TOPORS: variants seen among roughly 807,000 people sequenced by gnomAD.
The protein encoded by TOPORS is E3 ubiquitin-protein ligase Topors.
In TOPORS, 25 loss-of-function variants were observed where a neutral mutation model predicts 81.4. That is an observed-to-expected ratio of 0.31 (90% confidence interval 0.22 to 0.43). TOPORS has a LOEUF of 0.43. Ranked by LOEUF, TOPORS falls within the 20% of genes least tolerant of loss-of-function variation. The pLI is 1.00. For missense variants in TOPORS, 1,101 were observed against 1,267.0 expected, an observed-to-expected ratio of 0.87 and a Z score of 1.99; for synonymous variants, 473 against 456.6, an observed-to-expected ratio of 1.04 and a Z score of -0.46.
Position 32,541,981 on chromosome 9 carries a change from TGATCGGCTGTCTGAA to T in TOPORS, c.2529_2543del (p.Phe843_Ser848delinsLeu). Reference sequence around the variant, plus strand: ...TTTTGTGTTTTGTCTCTCTGTCTGATGATCGGCTGTCTGAAAAGGTATCACTCTCATTTTTGTAGT... The same window carrying T: ...TTTTGTGTTTTGTCTCTCTGTCTGATAAGGTATCACTCTCATTTTTGTAGT... On this transcript the variant is annotated inframe_deletion, in exon 3 of 3. Transcript: ENST00000360538. 1 of 1,613,924 alleles carries T rather than the reference TGATCGGCTGTCTGAA, an allele frequency of 6.2e-7. No homozygotes were observed. Among genetic ancestry groups the T allele is most frequent in the South Asian group, 1.1e-5 (1 of 91,000 alleles).
At chr9:32,551,881 A>G in intron 1 of TOPORS, 1 of 397,816 alleles carries the variant, frequency 2.5e-6, no homozygotes, top group Non-Finnish European at 5.2e-6. Context: ...CTCGATTTAC[A>G]GGGGTTCCCA....
intron 2 of TOPORS, among the ~76,000 whole-genome samples, chr9:32,547,924 C>T (rs1419947826): frequency 5.3e-5 from 8 of 151,328 alleles, no homozygotes; most frequent in Non-Finnish European, 1.2e-4. Context: ...CTCCGCCTCC[C>T]GGGTTCACAC....
chr9:32,541,577 T>C lies in TOPORS; in HGVS notation c.2948A>G (p.Asp983Gly), dbSNP rs767470541. The change falls in exon 3 of 3, where the codon GAT becomes GGT. Residue 983 changes from aspartate (D) to glycine (G), a missense_variant. Transcript: ENST00000360538. ...TGAAGCTGCCAGAGGTGGAATATTA[T>C]CTACAGTTTTGTTGGCATTATTCAA... Reference protein sequence around the residue: ...NNLNNANKTVDNIPPLAASVE... With the variant: ...NNLNNANKTVGNIPPLAASVE... 6.2e-7 allele frequency: 1 copy of C among 1,614,216 alleles called. No individual in the cohort carries two copies. Among genetic ancestry groups the C allele is most frequent in the Non-Finnish European group, 8.5e-7 (1 of 1,180,032 alleles).
At chr9:32,549,460 A>C (rs1821190699) in intron 2 of TOPORS, among the ~76,000 whole-genome samples, 1 of 152,198 alleles carries the variant, frequency 6.6e-6, no homozygotes, top group African/African-American at 2.4e-5. Context: ...TGTAACCTGG[A>C]GGAAGTTTTT....
At chr9:32,544,548 C>T (rs1821117544) in intron 2 of TOPORS, among the ~76,000 whole-genome samples, 1 of 152,196 alleles carries the variant, frequency 6.6e-6, no homozygotes, top group African/African-American at 2.4e-5. Context: ...CCTGGTTCCA[C>T]ACTACCAGCG....
At position 32,541,519 on chromosome 9, in the gene TOPORS, G is replaced by A; in HGVS notation, c.3006C>T (p.Ser1002=). ...GGTTCTCCAAATCAGAAACAAAGGT[G>A]CTCTCTTCTCTTACATCGAGAGTTT... ...VEQTLDVREE[S]TFVSDLENQP... The change falls in exon 3 of 3, where the codon AGC becomes AGT. Residue 1002 remains serine, a synonymous_variant. Coordinates refer to ENST00000360538, the MANE Select transcript of TOPORS (RefSeq NM_005802.5). 1 of 1,614,190 alleles carries A rather than the reference G, an allele frequency of 6.2e-7. No homozygotes were observed. Among genetic ancestry groups the A allele is most frequent in the South Asian group, 1.1e-5 (1 of 91,088 alleles).
At chr9:32,546,805 C>T (rs962535985) in intron 2 of TOPORS, among the ~76,000 whole-genome samples, 1 of 152,130 alleles carries the variant, frequency 6.6e-6, no homozygotes, top group Non-Finnish European at 1.5e-5. Context: ...CTGGTAATGT[C>T]CTCCATAACA....
intron 2 of TOPORS, among the ~76,000 whole-genome samples, chr9:32,550,181 G>C (rs959171000): frequency 6.6e-6 from 1 of 152,122 alleles, no homozygotes; most frequent in African/African-American, 2.4e-5. Context: ...GCTCATCTCA[G>C]CACTGCCCCC....
chr9:32,541,693 CAAGG>C lies in TOPORS; in HGVS notation c.2828_2831del (p.Ser943TrpfsTer9). 6 of 1,614,104 alleles carry C rather than the reference CAAGG, an allele frequency of 3.7e-6. No homozygotes were observed. The highest frequency in any genetic ancestry group is 2.2e-5 in the East Asian group (1 of 44,872). ...CTACATCTTTAGTTTCAAATGGTTC[CAAGG>C]AAGGAGCCAAAAACTCATTTTGTAG... On this transcript the variant is annotated frameshift_variant, in exon 3 of 3. Coordinates refer to ENST00000360538, the MANE Select transcript of TOPORS (RefSeq NM_005802.5). LOFTEE classifies it high-confidence loss of function.
intron 2 of TOPORS, among the ~76,000 whole-genome samples, chr9:32,545,277 T>TC (rs1821126940): frequency 6.6e-6 from 1 of 152,114 alleles, no homozygotes; most frequent in Middle Eastern, 3.4e-3. Context: ...CCACAGAATA[T>TC]CTTGAAATCA....
chr9:32,541,808 A>C lies in TOPORS; in HGVS notation c.2717T>G (p.Val906Gly), dbSNP rs1429135969. The C allele has an allele frequency of 6.2e-7, 1 of 1,614,208 alleles. No homozygotes were observed. Among genetic ancestry groups the C allele is most frequent in the African/African-American group, 1.3e-5 (1 of 75,052 alleles). The change falls in exon 3 of 3, where the codon GTT (valine) becomes GGT (glycine). Residue 906 changes from valine (V) to glycine (G), a missense_variant. By Grantham distance (109) the Val-to-Gly change is moderately radical. This residue lies in a region of TOPORS where 605 missense variants were observed against 636.1 expected (regional missense o/e 0.95). Transcript: ENST00000360538. ...ACTGTCACTGTCAATGGTAATTACA[A>C]CTGGGGAACGTGAAGCATTATCTCC... is the stretch of plus-strand genomic sequence containing the variant. The part of the protein sequence containing the change: ...HHGDNASRSP[V>G]VITIDSDSDK...
intron 1 of TOPORS, 144 bp from the exon 2 acceptor site, chr9:32,551,112 G>T: frequency 3.8e-6 from 4 of 1,063,956 alleles, no homozygotes; most frequent in Non-Finnish European, 5.5e-6. Flanking sequence ...CGGGGGCGGG[G>T]CTCAGCGCAC....
chr9:32,547,142 G>GAGAC (rs1470344979), intron 2 of TOPORS, among the ~76,000 whole-genome samples: 1 of 152,206 alleles, frequency 6.6e-6, no homozygotes, highest in Non-Finnish European at 1.5e-5. Context: ...GCCAAGGCAG[G>GAGAC]AGACCCTTGA....
chr9:32,544,155 A>AGC lies in TOPORS; in HGVS notation c.369_370insGC (p.Cys124AlafsTer30). 1 of 1,614,090 alleles carries AGC rather than the reference A, an allele frequency of 6.2e-7. No individual in the cohort carries two copies. Among genetic ancestry groups the AGC allele is most frequent in the Non-Finnish European group, 8.5e-7 (1 of 1,180,034 alleles). On this transcript the variant is annotated frameshift_variant, in exon 3 of 3. Transcript: ENST00000360538. LOFTEE classifies it high-confidence loss of function. ...GACCACTCCTGTACACAGCGAAAAC[A>AGC]GAACTTATGTAAGCAGCGATCTAAG...
chr9:32,543,783 G>C lies in TOPORS; in HGVS notation c.742C>G (p.Arg248Gly). 1 of 1,611,256 alleles carries C rather than the reference G, an allele frequency of 6.2e-7. No homozygotes were observed. Among genetic ancestry groups the C allele is most frequent in the East Asian group, 2.2e-5 (1 of 44,838 alleles). Reference protein sequence around the residue: ...RPTTADERSLRKIQEQDIINF... With the variant: ...RPTTADERSLGKIQEQDIINF... ...ATAATATCTTGTTCTTGAATTTTCCGCAAAGATCTTTCATCTGCCGTAGTT... is the reference window on the plus strand; with the variant it reads ...ATAATATCTTGTTCTTGAATTTTCCCCAAAGATCTTTCATCTGCCGTAGTT... Residue 248 changes from arginine (R) to glycine (G), a missense_variant, in exon 3 of 3, where the codon CGG (arginine) becomes GGG (glycine). Physicochemically the swap from Arg to Gly is moderately radical, Grantham distance 125. Transcript: ENST00000360538. The surrounding 1 kb of genome is among the most constrained non-coding windows in gnomAD (Gnocchi z 5.6).
chr9:32,550,891 A>C lies in TOPORS; in HGVS notation c.81T>G (p.Gly27=), dbSNP rs1587627153. The C allele has an allele frequency of 1.2e-6, 2 of 1,612,904 alleles. No individual in the cohort carries two copies. Among genetic ancestry groups the C allele is most frequent in the Non-Finnish European group, 8.5e-7 (1 of 1,179,768 alleles). ...EAPPPAPASE[G]RRRSRRVRLR... ...GGCGTACCCGGCGACTTCTCCGCCT[A>C]CCCTCCGAAGCGGGAGCAGGCGGGG... Residue 27 remains glycine, a synonymous_variant, in exon 2 of 3, where the codon GGT becomes GGG. Transcript: ENST00000360538.
chr9:32,544,339 A>G lies in TOPORS; in HGVS notation c.199-13T>C. On this transcript the variant is annotated splice_polypyrimidine_tract_variant and intron_variant, in intron 2 of 2. Coordinates refer to ENST00000360538, the MANE Select transcript of TOPORS (RefSeq NM_005802.5). Reference sequence around the variant, plus strand: ...CTGATGCCATTATCTGTAAAAGGGAAAGAAATATATCAGTAACCTGATAAT... The same window carrying G: ...CTGATGCCATTATCTGTAAAAGGGAGAGAAATATATCAGTAACCTGATAAT... 1.3e-6 allele frequency: 2 copies of G among 1,599,030 alleles called. No homozygotes were observed. Among genetic ancestry groups the G allele is most frequent in the Non-Finnish European group, 8.5e-7 (1 of 1,179,388 alleles).
Position 32,552,568 on chromosome 9 carries a change from C to A in TOPORS, c.-132G>T. On this transcript the variant is annotated 5_prime_UTR_variant, in exon 1 of 3. It introduces an in-frame stop codon into an upstream open reading frame of the 5' UTR. Coordinates refer to ENST00000360538, the MANE Select transcript of TOPORS (RefSeq NM_005802.5). Reference sequence around the variant, plus strand: ...CTATTTCTTCAGCACCCAGAAACTCCAAAATCCATTCCTGAATTAAGCATT... The same window carrying A: ...CTATTTCTTCAGCACCCAGAAACTCAAAAATCCATTCCTGAATTAAGCATT... The A allele has an allele frequency of 1.7e-6, 2 of 1,162,952 alleles. No homozygotes were observed. Among genetic ancestry groups the A allele is most frequent in the Non-Finnish European group, 2.5e-6 (2 of 794,236 alleles). The allele number at this position is 1,162,952 out of a possible 1,614,324, so 72.0% of individuals were successfully genotyped here.
In TOPORS at chr9:32,544,259, A is replaced by C. The variant is rs760156616; in HGVS notation, c.266T>G (p.Leu89Trp). The change falls in exon 3 of 3, where the codon TTG (leucine) becomes TGG (tryptophan). Residue 89 changes from leucine to tryptophan, a missense_variant. By Grantham distance (61) the Leu-to-Trp change is moderately conservative. Around this residue, in one of 9 missense-constraint regions of TOPORS, gnomAD observed 48 missense variants for 73.3 expected, o/e 0.65. Transcript: ENST00000360538. ...TGCATCAGCTGGTACTGTCTGTTGC[A>C]ATTTGCTAGTGCCAGCTTTAGGTGA... is the stretch of plus-strand genomic sequence containing the variant. ...NFSPKAGTSK[L>W]QQTVPADASP... 1 of 1,607,878 alleles carries C rather than the reference A, an allele frequency of 6.2e-7. No homozygotes were observed. The highest frequency in any genetic ancestry group is 8.5e-7 in the Non-Finnish European group (1 of 1,179,988).
Sources: allele counts gnomAD v4.1 joint callset (sites outside exome capture counted in the v4.1 genomes callset), GRCh38; gene constraint gnomAD v4.1.1; regional missense constraint gnomAD v4.1.1; non-coding constraint Gnocchi (gnomAD v3.1); transcripts MANE v1.5; gene names NCBI Gene and HGNC (gene_info 2026-07-23, HGNC 2026-07-21).